Variants in PTPRG observed in about 807,000 individuals in gnomAD.
PTPRG encodes receptor-type tyrosine-protein phosphatase gamma.
Under a neutral mutation model 165.3 loss-of-function variants are expected in PTPRG, and 102 were observed. That is an observed-to-expected ratio of 0.62 (90% CI 0.53 to 0.73). The LOEUF is 0.73. Ranked by LOEUF, PTPRG falls within the 30% of genes least tolerant of loss-of-function variation. PTPRG has a pLI of 0.00. For synonymous variants in PTPRG, 675 were observed against 669.5 expected, an observed-to-expected ratio of 1.01 and a Z score of -0.13; for missense variants, 1,866 against 1,861.4, an observed-to-expected ratio of 1.00 and a Z score of -0.05.
In PTPRG at chr3:62,294,115, T is replaced by TATTA. The variant is rs1330002845; in HGVS notation, c.*809_*812dup. 3.3e-5 allele frequency: 5 copies of TATTA among 152,214 alleles called. No individual in the cohort carries two copies. Among genetic ancestry groups the TATTA allele is most frequent in the Non-Finnish European group, 4.4e-5 (3 of 68,018 alleles). 9.4% of individuals were successfully genotyped at this position (152,214 alleles called of 1,614,324 possible). On this transcript the variant is annotated 3_prime_UTR_variant, in exon 30 of 30. Coordinates refer to ENST00000474889, the MANE Select transcript of PTPRG (RefSeq NM_002841.4). ...ATCTTTAACAATAGCAAGATAGCAA[T>TATTA]ATTATATACAACTCAGTTATGAGAC...
At position 61,569,890 on chromosome 3, in the gene PTPRG, G is replaced by A. The variant is rs919659601; in HGVS notation, c.85+7518G>A. ...TCTGAGATATCACCTTGCCCACATT[G>A]CAAAGGAGGTCTCTGCTTTCTCAGC... On this transcript the variant is annotated intron_variant, in intron 1 of 29. Transcript: ENST00000474889. Among the ~76,000 whole-genome samples the A allele has an allele frequency of 3.5e-4, 53 of 152,290 alleles. 1 individual carries two copies. The highest frequency in any genetic ancestry group is 1.2e-3 in the African/African-American group (49 of 41,558).
intron 12 of PTPRG, among the ~76,000 whole-genome samples, chr3:62,212,208 C>A (rs1476917825): frequency 6.6e-6 from 1 of 152,094 alleles, no homozygotes; most frequent in Non-Finnish European, 1.5e-5. Context: ...ACTGGCCTCA[C>A]ATCACCCTCT....
Position 62,080,061 on chromosome 3 carries a change from CAT to C in PTPRG, c.615+1804_615+1805del, listed in dbSNP as rs1491522252. ...GAGTTCTGTCTGGACCCCTTCGGTT[CAT>C]TTTTTTTTTTTTTTTTTTTGAGATG... On this transcript the variant is annotated intron_variant, in intron 5 of 29. Transcript: ENST00000474889. 6.5e-4 allele frequency among the ~76,000 whole-genome samples: 72 copies of C among 111,556 alleles called. 7 individuals are homozygous for C. Among genetic ancestry groups the C allele is most frequent in the African/African-American group, 2.1e-3 (57 of 27,800 alleles). 73.2% of individuals were successfully genotyped at this position (111,556 alleles called of 152,430 possible). A position where few individuals can be genotyped will look rare whatever the true frequency, so the allele number is the denominator to read the frequency against.
chr3:62,040,629 A>C (rs888701966), intron 4 of PTPRG, among the ~76,000 whole-genome samples: 2 of 151,976 alleles, frequency 1.3e-5, no homozygotes, highest in Non-Finnish European at 2.9e-5. Context: ...AATTTTTTGT[A>C]TTTTCAGTAG....
At chr3:61,613,694 G>C (rs1701234613) in intron 1 of PTPRG, among the ~76,000 whole-genome samples, 1 of 152,162 alleles carries the variant, frequency 6.6e-6, no homozygotes, top group Non-Finnish European at 1.5e-5. Context: ...ATAAATTGAA[G>C]ATGGTGTAGT....
At chr3:61,841,575 G>A (rs765396321) in intron 2 of PTPRG, among the ~76,000 whole-genome samples, 2 of 151,738 alleles carry the variant, frequency 1.3e-5, no homozygotes, top group East Asian at 1.9e-4. Flanking sequence ...CTTAGCCCTC[G>A]TCCACCACCA....
intron 2 of PTPRG, among the ~76,000 whole-genome samples, chr3:61,929,481 G>A (rs1196492701): frequency 1.3e-5 from 2 of 152,148 alleles, no homozygotes; most frequent in Non-Finnish European, 2.9e-5. Flanking sequence ...TAGTTGAGTA[G>A]CCCATTCTAG....
intron 2 of PTPRG, among the ~76,000 whole-genome samples, chr3:61,812,447 G>C (rs922082421): frequency 4.6e-5 from 7 of 152,034 alleles, no homozygotes; most frequent in African/African-American, 1.7e-4. Flanking sequence ...CATTTTTGTG[G>C]TGTAATGAAA....
chr3:61,621,018 C>G (rs1310890990), intron 1 of PTPRG, among the ~76,000 whole-genome samples: 2 of 118,974 alleles, frequency 1.7e-5, no homozygotes, highest in African/African-American at 5.7e-5. Context: ...TGGACCCATG[C>G]CCCAGTGTGT....
chr3:62,082,996 G>C (rs1701630420), intron 5 of PTPRG, among the ~76,000 whole-genome samples: 1 of 152,112 alleles, frequency 6.6e-6, no homozygotes, highest in Admixed American at 6.5e-5. Context: ...TAAGAGTAAA[G>C]TTTGCTTTTA....
At chr3:61,805,583 G>T (rs1274212593) in intron 2 of PTPRG, among the ~76,000 whole-genome samples, 4 of 149,488 alleles carry the variant, frequency 2.7e-5, no homozygotes, top group African/African-American at 9.9e-5. Flanking sequence ...GTTATCCACT[G>T]ATGACATTTC....
chr3:61,715,020 A>T (rs1309001548), intron 1 of PTPRG, among the ~76,000 whole-genome samples: 2 of 152,198 alleles, frequency 1.3e-5, no homozygotes, highest in African/African-American at 4.8e-5. Flanking sequence ...AAGCTCCCAG[A>T]ATAGAGAGGC....
At chr3:61,732,915 G>C (rs992395241) in intron 1 of PTPRG, among the ~76,000 whole-genome samples, 1 of 152,160 alleles carries the variant, frequency 6.6e-6, no homozygotes, top group Admixed American at 6.5e-5. Context: ...CAGTTAGTTG[G>C]TGTTAGCATA....
chr3:61,954,558 C>T (rs760670829), intron 2 of PTPRG, among the ~76,000 whole-genome samples: 24 of 152,116 alleles, frequency 1.6e-4, no homozygotes, highest in Admixed American at 3.9e-4. Flanking sequence ...CGTGGGGAGA[C>T]GTTTATTCTA....
intron 2 of PTPRG, among the ~76,000 whole-genome samples, chr3:61,853,996 C>T (rs890067789): frequency 8.6e-5 from 13 of 151,188 alleles, no homozygotes; most frequent in Admixed American, 6.6e-5. Context: ...CCTTCCTGTG[C>T]TGAGGCTTCT....
chr3:62,234,123 G>T (rs1009055143), intron 14 of PTPRG, among the ~76,000 whole-genome samples: 2 of 152,130 alleles, frequency 1.3e-5, no homozygotes, highest in Non-Finnish European at 2.9e-5. Flanking sequence ...GTGCCTTGCT[G>T]TTCTCACTTA....
intron 1 of PTPRG, among the ~76,000 whole-genome samples, chr3:61,691,593 G>T (rs575849824): frequency 6.6e-6 from 1 of 152,294 alleles, no homozygotes; most frequent in East Asian, 1.9e-4. Context: ...CAACACTAGG[G>T]GGAAGTGGAC....
At chr3:61,838,986 C>G (rs2036545842) in intron 2 of PTPRG, among the ~76,000 whole-genome samples, 1 of 152,124 alleles carries the variant, frequency 6.6e-6, no homozygotes, top group Admixed American at 6.5e-5. Flanking sequence ...ATTAAAATGT[C>G]TGCAAAACCA....
intron 1 of PTPRG, among the ~76,000 whole-genome samples, chr3:61,627,516 A>G (rs879930457): frequency 2.2e-4 from 33 of 152,298 alleles, no homozygotes; most frequent in South Asian, 6.2e-4. Context: ...GGTAATGAAT[A>G]TTTAAATATG....
Sources: gnomAD v4.1 joint callset for allele counts (sites outside exome capture counted in the v4.1 genomes callset) on GRCh38, gnomAD v4.1.1 for gene constraint, MANE v1.5 for transcripts, NCBI Gene and HGNC (gene_info 2026-07-23, HGNC 2026-07-21) for gene names.